KIF24: variants seen among roughly 807,000 people sequenced by gnomAD.
KIF24 encodes the protein kinesin-like protein KIF24.
A neutral mutation model predicts 118.9 loss-of-function variants in KIF24; 81 were observed. The observed-to-expected ratio is 0.68, with a 90% CI of 0.57 to 0.82. KIF24 has a LOEUF of 0.82. Ranked by LOEUF, KIF24 falls within the 40% of genes least tolerant of loss-of-function variation. The probability of loss-of-function intolerance (pLI) is 0.00; values close to 1 mark genes in which losing one functional copy is unlikely to be tolerated. For synonymous variants in KIF24, 599 were observed against 610.0 expected (o/e 0.98, Z 0.27); for missense variants, 1,560 against 1,661.6 (o/e 0.94, Z 1.06).
chr9:34,319,030 C>A (rs1587974280), intron 1 of KIF24: 1 of 1,238,264 alleles, frequency 8.1e-7, no homozygotes, highest in Admixed American at 1.7e-5. Flanking sequence ...TCAAGCCACA[C>A]TGGAATGAGA....
chr9:34,281,877 A>C (rs1320674260), intron 6 of KIF24, among the ~76,000 whole-genome samples: 1 of 152,218 alleles, frequency 6.6e-6, no homozygotes, highest in Non-Finnish European at 1.5e-5. Context: ...TACTAGAAGA[A>C]AGACTGCGAT....
At position 34,267,645 on chromosome 9, in the gene KIF24, A is replaced by G. The variant is rs191155037; in HGVS notation, c.1443+1612T>C. 8.9e-3 allele frequency among the ~76,000 whole-genome samples: 1,352 copies of G among 152,296 alleles called. 24 individuals carry two copies. The highest frequency in any genetic ancestry group is 0.03 in the African/African-American group (1,259 of 41,558). On this transcript the variant is annotated intron_variant, in intron 8 of 12. Transcript: ENST00000402558. ...TTTTATTTAACTCAATATATCCAAA[A>G]TATTATTTCAGCATGTAGTCAATAT...
intron 2 of KIF24, among the ~76,000 whole-genome samples, chr9:34,309,555 A>AG (rs1286996430): frequency 6.6e-6 from 1 of 151,778 alleles, no homozygotes; most frequent in South Asian, 2.1e-4. Flanking sequence ...AAAAAAAAAA[A>AG]AAAAAGAAAA....
At chr9:34,289,694 G>T (rs190295723) in intron 5 of KIF24, among the ~76,000 whole-genome samples, 2 of 152,318 alleles carry the variant, frequency 1.3e-5, no homozygotes, top group Admixed American at 1.3e-4. Context: ...AATAGTTTAA[G>T]CCTAACAAGG....
At chr9:34,275,636 C>T (rs1162009302) in intron 6 of KIF24, among the ~76,000 whole-genome samples, 3 of 151,916 alleles carry the variant, frequency 2.0e-5, no homozygotes, top group South Asian at 2.1e-4. Flanking sequence ...GTCAGGAGAT[C>T]GAGACCGTCC....
At position 34,317,111 on chromosome 9, in the gene KIF24, G is replaced by A. The variant is rs566733890; in HGVS notation, c.-25-5740C>T. Among the ~76,000 whole-genome samples the A allele has an allele frequency of 7.2e-5, 11 of 152,046 alleles. No homozygotes were observed. In the South Asian group the frequency reaches 1.9e-3, roughly 26 times the overall value. Reference sequence around the variant, plus strand: ...CAGACACCCATAATCCCAGCTACTCGGGAGGCTGAGGCAGGAGAATCACTT... The same window carrying A: ...CAGACACCCATAATCCCAGCTACTCAGGAGGCTGAGGCAGGAGAATCACTT... On this transcript the variant is annotated intron_variant, in intron 1 of 12. Transcript: ENST00000402558.
At position 34,269,240 on chromosome 9, in the gene KIF24, G is replaced by T. The variant is rs374477873; in HGVS notation, c.1443+17C>A. On this transcript the variant is annotated intron_variant, in intron 8 of 12. Transcript: ENST00000402558. ...TTTCAAGAAGGATTTTTAGATTAAA[G>T]ATTTTGAACAACTTACAGCCAGTAG... 9 of 1,469,274 alleles carry T rather than the reference G, an allele frequency of 6.1e-6. No individual in the cohort carries two copies. Among genetic ancestry groups the T allele is most frequent in the Non-Finnish European group, 8.5e-6 (9 of 1,055,480 alleles). The allele number at this position is 1,469,274 out of a possible 1,614,324, so 91.0% of individuals were successfully genotyped here.
intron 7 of KIF24, among the ~76,000 whole-genome samples, chr9:34,271,365 C>G (rs139753101): frequency 5.6e-4 from 84 of 150,028 alleles, no homozygotes; most frequent in African/African-American, 2.0e-3. Context: ...GAAAAACATT[C>G]ATTACTCAGA....
At chr9:34,255,632 G>T in intron 11 of KIF24, 103 bp downstream of exon 11, 1 of 1,034,500 alleles carries the variant, frequency 9.7e-7, no homozygotes, top group Non-Finnish European at 1.4e-6. Flanking sequence ...TAGCTCACCT[G>T]CGTACCCCTG....
At chr9:34,306,679 G>A (rs1836934844) in intron 2 of KIF24, among the ~76,000 whole-genome samples, 1 of 152,098 alleles carries the variant, frequency 6.6e-6, no homozygotes, top group South Asian at 2.1e-4. Context: ...GCGTGCGCCT[G>A]TAATCCCAGC....
chr9:34,321,849 C>A (rs1384034685), intron 1 of KIF24, among the ~76,000 whole-genome samples: 1 of 152,060 alleles, frequency 6.6e-6, no homozygotes, highest in Non-Finnish European at 1.5e-5. Flanking sequence ...TCAAGCGATC[C>A]TCTTGCCTCA....
upstream of KIF24, among the ~76,000 whole-genome samples, chr9:34,332,330 G>A (rs1415415825): frequency 1.3e-5 from 2 of 152,164 alleles, no homozygotes; most frequent in Non-Finnish European, 1.5e-5. Flanking sequence ...GGGGTACCTT[G>A]TTAACCTAAA....
chr9:34,256,387 C>G lies in KIF24; in HGVS notation c.3220G>C (p.Asp1074His). The change falls in exon 11 of 13, where the codon GAT becomes CAT. Residue 1074 changes from aspartate to histidine, a missense_variant. By Grantham distance (81) the Asp-to-His change is moderately conservative. This residue lies in a region of KIF24 where 591 missense variants were observed against 655.6 expected (regional missense o/e 0.90). Coordinates refer to ENST00000402558, the MANE Select transcript of KIF24 (RefSeq NM_194313.4). ...GCCACTAGACTGTGCGTAGCCCCAT[C>G]CTGGACCAGCTGCTCCGAGGGAGGA... ...GSPPSEQLVQ[D>H]GATHSLVAES... 6.2e-7 allele frequency: 1 copy of G among 1,613,924 alleles called. No individual in the cohort carries two copies. The highest frequency in any genetic ancestry group is 1.6e-4 in the Middle Eastern group (1 of 6,062).
chr9:34,256,373 G>C lies in KIF24; in HGVS notation c.3234C>G (p.His1078Gln), dbSNP rs141287546. The change falls in exon 11 of 13, where the codon CAC becomes CAG. Residue 1078 changes from histidine to glutamine, a missense_variant. This residue lies in a region of KIF24 where 591 missense variants were observed against 655.6 expected (regional missense o/e 0.90). Transcript: ENST00000402558. Reference protein sequence around the residue: ...SEQLVQDGATHSLVAESTGGP... With the variant: ...SEQLVQDGATQSLVAESTGGP... ...CCCCTGTGCTCTCTGCCACTAGACT[G>C]TGCGTAGCCCCATCCTGGACCAGCT... The C allele has an allele frequency of 4.9e-5, 79 of 1,613,848 alleles. No homozygotes were observed. In the African/African-American group the frequency reaches 9.9e-4, roughly 20 times the overall value.
chr9:34,329,270 C>G (rs1215387845), upstream of KIF24, among the ~76,000 whole-genome samples: 1 of 152,262 alleles, frequency 6.6e-6, no homozygotes, highest in African/African-American at 2.4e-5. Context: ...AGTTCGAACG[C>G]CCGCGCTGTG....
chr9:34,301,997 C>T lies in KIF24; in HGVS notation c.813+4255G>A, dbSNP rs200207532. Among the ~76,000 whole-genome samples, 30 of 137,636 alleles carry T rather than the reference C, an allele frequency of 2.2e-4. 1 individual carries two copies. The highest frequency in any genetic ancestry group is 4.3e-4 in the East Asian group (2 of 4,684). 90.3% of individuals were successfully genotyped at this position (137,636 alleles called of 152,430 possible). A position where few individuals can be genotyped will look rare whatever the true frequency, so the allele number is the denominator to read the frequency against. ...TTTTTCTATATATGTATTTTTTTTT[C>T]TTTTTTTTTTTTTTTGAGACAGAGT... is the stretch of plus-strand genomic sequence containing the variant. On this transcript the variant is annotated intron_variant, in intron 3 of 12. Coordinates refer to ENST00000402558, the MANE Select transcript of KIF24 (RefSeq NM_194313.4).
intron 1 of KIF24, among the ~76,000 whole-genome samples, chr9:34,328,407 T>C (rs1837747682): frequency 6.6e-6 from 1 of 152,234 alleles, no homozygotes; most frequent in African/African-American, 2.4e-5. Flanking sequence ...AATAAAATTA[T>C]TGGGAGACCA....
chr9:34,322,269 T>G (rs890680290), intron 1 of KIF24, among the ~76,000 whole-genome samples: 5 of 152,198 alleles, frequency 3.3e-5, no homozygotes, highest in Admixed American at 2.6e-4. Flanking sequence ...AGTCCCTTTA[T>G]AGCAACCAAC....
chr9:34,312,775 T>G (rs1455137727), intron 1 of KIF24, among the ~76,000 whole-genome samples: 4 of 152,186 alleles, frequency 2.6e-5, no homozygotes, highest in Non-Finnish European at 5.9e-5. Context: ...CTTGGCTCAC[T>G]GCAACTTCCG....
Sources: allele counts gnomAD v4.1 joint callset (sites outside exome capture counted in the v4.1 genomes callset), GRCh38; gene constraint gnomAD v4.1.1; regional missense constraint gnomAD v4.1.1; transcripts MANE v1.5; gene names NCBI Gene and HGNC (gene_info 2026-07-23, HGNC 2026-07-21).